Variants in CLEC19A observed in about 807,000 individuals in gnomAD.
The protein encoded by CLEC19A is C-type lectin domain family 19 member A.
CLEC19A carries 21 observed loss-of-function variants against 26.1 expected under a neutral mutation model. The observed-to-expected ratio is 0.80, with a 90% CI of 0.57 to 1.16. The LOEUF (loss-of-function observed/expected upper bound fraction) is 1.16. Ranked by LOEUF, CLEC19A falls within the 50% of genes most tolerant of loss-of-function variation. CLEC19A has a pLI of 0.00. For synonymous variants in CLEC19A, 89 were observed against 88.6 expected (o/e 1.00, Z -0.03); for missense variants, 224 against 227.6 (o/e 0.98, Z 0.10).
intron 1 of CLEC19A, among the ~76,000 whole-genome samples, chr16:19,294,699 A>C (rs773221117): frequency 6.6e-6 from 1 of 152,240 alleles, no homozygotes; most frequent in Non-Finnish European, 1.5e-5. Flanking sequence ...CAATGTCTTC[A>C]GTGCTTTTAA....
chr16:19,303,240 C>T (rs917299094), intron 2 of CLEC19A, among the ~76,000 whole-genome samples: 3 of 152,188 alleles, frequency 2.0e-5, no homozygotes, highest in Non-Finnish European at 4.4e-5. Flanking sequence ...CATTTCTCTA[C>T]CTCTCTGTTT....
Position 19,309,153 on chromosome 16 carries a change from A to T in CLEC19A, c.*70A>T. ...TGTAGCTGTAACCAGTGTAGAATTG[A>T]CATTGAATACATGTAAAACATACAT... On this transcript the variant is annotated 3_prime_UTR_variant, in exon 5 of 5. Transcript: ENST00000636231. 1 of 1,101,072 alleles carries T rather than the reference A, an allele frequency of 9.1e-7. No individual in the cohort carries two copies. The highest frequency in any genetic ancestry group is 1.3e-6 in the Non-Finnish European group (1 of 742,450). The allele number at this position is 1,101,072 out of a possible 1,614,324, so 68.2% of individuals were successfully genotyped here.
chr16:19,295,120 C>T (rs919507748), intron 1 of CLEC19A, among the ~76,000 whole-genome samples: 5 of 152,076 alleles, frequency 3.3e-5, no homozygotes, highest in African/African-American at 1.2e-4. Flanking sequence ...GATAAAATTC[C>T]CCCTCACTGC....
At chr16:19,293,318 T>C (rs1484228606) in intron 1 of CLEC19A, among the ~76,000 whole-genome samples, 1 of 152,182 alleles carries the variant, frequency 6.6e-6, no homozygotes, top group Admixed American at 6.5e-5. Context: ...AGGAAAACAC[T>C]GAGTAACGTC....
At chr16:19,290,653 A>G (rs548942147) in intron 1 of CLEC19A, among the ~76,000 whole-genome samples, 2 of 152,300 alleles carry the variant, frequency 1.3e-5, no homozygotes, top group African/African-American at 4.8e-5. Flanking sequence ...ACGCCGTGTC[A>G]TAATCACCTA....
At chr16:19,303,791 C>A in intron 2 of CLEC19A, 1 of 345,414 alleles carries the variant, frequency 2.9e-6, no homozygotes, top group Non-Finnish European at 5.4e-6. Flanking sequence ...TATAATCCAC[C>A]TCATTTGCTA....
At chr16:19,298,862 A>G in intron 2 of CLEC19A, 24 bp downstream of exon 2, 1 of 1,540,158 alleles carries the variant, frequency 6.5e-7, no homozygotes, top group Non-Finnish European at 8.8e-7. Context: ...CCAGTGCCCC[A>G]TAGTTCAACT....
At position 19,290,208 on chromosome 16, in the gene CLEC19A, A is replaced by AC. The variant is rs201069399; in HGVS notation, c.88+4275dup. Reference sequence around the variant, plus strand: ...AAGCTCAGAACTCCCAAAGGCTTTGACCCCCCACCCCAGCTGGGAGACCTT... The same window carrying AC: ...AAGCTCAGAACTCCCAAAGGCTTTGACCCCCCCACCCCAGCTGGGAGACCTT... On this transcript the variant is annotated intron_variant, in intron 1 of 4. Coordinates refer to ENST00000636231, the MANE Select transcript of CLEC19A (RefSeq NM_001256720.2). Among the ~76,000 whole-genome samples, 272 of 151,516 alleles carry AC rather than the reference A, an allele frequency of 1.8e-3. 3 individuals are homozygous for AC. In the East Asian group the frequency reaches 0.034, roughly 19 times the overall value.
intron 2 of CLEC19A, among the ~76,000 whole-genome samples, chr16:19,303,644 G>A (rs1027538817): frequency 1.3e-5 from 2 of 152,090 alleles, no homozygotes; most frequent in Non-Finnish European, 2.9e-5. Context: ...AGGAGAGAAG[G>A]GGATATATTA....
intron 2 of CLEC19A, 74 bp downstream of exon 2, chr16:19,298,912 C>T: frequency 7.1e-7 from 1 of 1,403,250 alleles, no homozygotes; most frequent in Non-Finnish European, 9.5e-7. Flanking sequence ...ATGGTATTTC[C>T]AACTGGCATT....
At chr16:19,296,891 A>C (rs1357198306) in intron 1 of CLEC19A, among the ~76,000 whole-genome samples, 1 of 152,210 alleles carries the variant, frequency 6.6e-6, no homozygotes, top group African/African-American at 2.4e-5. Context: ...TTTGAAGGTC[A>C]AGATGGGAAA....
At chr16:19,291,552 G>A (rs1220838312) in intron 1 of CLEC19A, among the ~76,000 whole-genome samples, 2 of 152,194 alleles carry the variant, frequency 1.3e-5, no homozygotes, top group Non-Finnish European at 2.9e-5. Context: ...ACAATGCCTG[G>A]CACACAGTGA....
Position 19,288,379 on chromosome 16 carries a change from C to A in CLEC19A, c.88+2440C>A, listed in dbSNP as rs578016156. Reference sequence around the variant, plus strand: ...ATGAGAATACATGTACCTCCAAGGTCCTCCTTATTGAGAATAGGCTTGGTT... The same window carrying A: ...ATGAGAATACATGTACCTCCAAGGTACTCCTTATTGAGAATAGGCTTGGTT... On this transcript the variant is annotated intron_variant, in intron 1 of 4. Coordinates refer to ENST00000636231, the MANE Select transcript of CLEC19A (RefSeq NM_001256720.2). Among the ~76,000 whole-genome samples, 4 of 152,218 alleles carry A rather than the reference C, an allele frequency of 2.6e-5. No individual in the cohort carries two copies. In the East Asian group the frequency reaches 5.8e-4, roughly 22 times the overall value.
At position 19,303,900 on chromosome 16, in the gene CLEC19A, C is replaced by T. The variant is rs1157230750; in HGVS notation, c.255-162C>T. ...AAATCCAGAGATGCCCATGTAGGAC[C>T]GGCCACATATGGGTGACTTAATGAA... On this transcript the variant is annotated intron_variant, in intron 2 of 4. Transcript: ENST00000636231. The T allele has an allele frequency of 1.4e-5, 8 of 582,710 alleles. No homozygotes were observed. In the East Asian group the frequency reaches 1.4e-4, roughly 10 times the overall value. 36.1% of individuals were successfully genotyped at this position (582,710 alleles called of 1,614,324 possible).
intron 1 of CLEC19A, among the ~76,000 whole-genome samples, chr16:19,290,949 C>T (rs1227019624): frequency 6.6e-6 from 1 of 152,010 alleles, no homozygotes. Flanking sequence ...AGTGATGCTC[C>T]CTCTTCAGTC....
chr16:19,296,490 C>T (rs1897707743), intron 1 of CLEC19A, among the ~76,000 whole-genome samples: 3 of 152,116 alleles, frequency 2.0e-5, no homozygotes, highest in African/African-American at 7.2e-5. Flanking sequence ...TTTATTTGGC[C>T]CAATCAGTTG....
At chr16:19,302,306 C>T (rs1226649203) in intron 2 of CLEC19A, among the ~76,000 whole-genome samples, 1 of 152,128 alleles carries the variant, frequency 6.6e-6, no homozygotes, top group Admixed American at 6.5e-5. Context: ...GGATTTACTA[C>T]TAATGCCTCA....
intron 1 of CLEC19A, among the ~76,000 whole-genome samples, chr16:19,288,035 G>C (rs1897508779): frequency 6.6e-6 from 1 of 152,080 alleles, no homozygotes; most frequent in Non-Finnish European, 1.5e-5. Flanking sequence ...ACCTGGGAGA[G>C]CTCGCAGTTT....
At chr16:19,293,986 T>A (rs1377505735) in intron 1 of CLEC19A, among the ~76,000 whole-genome samples, 3 of 152,168 alleles carry the variant, frequency 2.0e-5, no homozygotes, top group African/African-American at 7.2e-5. Context: ...TGGTATCAAA[T>A]ACTAGATCTT....
Sources: gnomAD v4.1 joint callset for allele counts (sites outside exome capture counted in the v4.1 genomes callset) on GRCh38, gnomAD v4.1.1 for gene constraint, MANE v1.5 for transcripts, NCBI Gene and HGNC (gene_info 2026-07-23, HGNC 2026-07-21) for gene names.